LRP1B: variants seen among roughly 807,000 people sequenced by gnomAD.
The protein encoded by LRP1B is low-density lipoprotein receptor-related protein 1B.
Under a neutral mutation model 556.6 loss-of-function variants are expected in LRP1B, and 217 were observed. That is an observed-to-expected ratio of 0.39 (90% CI 0.35 to 0.44). The LOEUF is 0.44. Among genes scored for constraint, LRP1B ranks in the 20% least tolerant of loss-of-function variants. The probability of loss-of-function intolerance (pLI) is 1.00; values close to 1 mark genes in which losing one functional copy is unlikely to be tolerated. For missense variants in LRP1B, 5,053 were observed against 5,620.8 expected (o/e 0.90, Z 3.23); for synonymous variants, 2,047 against 1,865.8 (o/e 1.10, Z -2.50).
In LRP1B at chr2:141,011,071, CAGAG is replaced by C. The variant is rs143409764; in HGVS notation, c.2380+2481_2380+2484del. Reference sequence around the variant, plus strand: ...TAACATCATATAATTTGTATTCTCTCAGAGAGAGAGAGAGAGAGAGAGAGAGACT... The same window carrying C: ...TAACATCATATAATTTGTATTCTCTCAGAGAGAGAGAGAGAGAGAGAGACT... On this transcript the variant is annotated intron_variant, in intron 14 of 90. Coordinates refer to ENST00000389484, the MANE Select transcript of LRP1B (RefSeq NM_018557.3). Among the ~76,000 whole-genome samples, 316 of 142,776 alleles carry C rather than the reference CAGAG, an allele frequency of 2.2e-3. 3 individuals are homozygous for C. The highest frequency in any genetic ancestry group is 4.8e-3 in the African/African-American group (186 of 38,996). 93.7% of individuals were successfully genotyped at this position (142,776 alleles called of 152,430 possible).
chr2:142,090,936 T>C (rs1361554713), intron 1 of LRP1B, among the ~76,000 whole-genome samples: 1 of 152,156 alleles, frequency 6.6e-6, no homozygotes, highest in East Asian at 1.9e-4. Context: ...TAATTTGTTC[T>C]ACTGCAACTG....
chr2:140,941,242 A>G (rs1379253294), intron 20 of LRP1B, among the ~76,000 whole-genome samples: 2 of 152,140 alleles, frequency 1.3e-5, no homozygotes, highest in African/African-American at 2.4e-5. Context: ...TCCTTTTTGA[A>G]GAAAATGGTA....
intron 35 of LRP1B, among the ~76,000 whole-genome samples, chr2:140,757,813 G>A (rs1027464371): frequency 5.9e-5 from 9 of 152,152 alleles, no homozygotes; most frequent in Non-Finnish European, 8.8e-5. Flanking sequence ...CCTGGGAGGC[G>A]GAGGTTGCAG....
At chr2:141,852,606 AG>A (rs1223785863) in intron 1 of LRP1B, among the ~76,000 whole-genome samples, 1 of 151,788 alleles carries the variant, frequency 6.6e-6, no homozygotes, top group Non-Finnish European at 1.5e-5. Context: ...AGAGACCAAT[AG>A]GTCAATAGAA....
At chr2:141,204,694 C>T (rs893681069) in intron 6 of LRP1B, among the ~76,000 whole-genome samples, 1 of 152,100 alleles carries the variant, frequency 6.6e-6, no homozygotes, top group Non-Finnish European at 1.5e-5. Flanking sequence ...AGAGATGACA[C>T]TTTGGGAGGC....
At chr2:141,877,557 T>C (rs1274013584) in intron 1 of LRP1B, among the ~76,000 whole-genome samples, 2 of 152,008 alleles carry the variant, frequency 1.3e-5, no homozygotes, top group Non-Finnish European at 2.9e-5. Context: ...AGGAAGGTGA[T>C]ATTGTCACTG....
chr2:141,762,223 A>T (rs1694580803), intron 2 of LRP1B, among the ~76,000 whole-genome samples: 1 of 152,042 alleles, frequency 6.6e-6, no homozygotes, highest in African/African-American at 2.4e-5. Flanking sequence ...AATTCCAATA[A>T]ATTGGCCACT....
chr2:141,056,644 T>C (rs1699185753), intron 9 of LRP1B, among the ~76,000 whole-genome samples: 1 of 151,878 alleles, frequency 6.6e-6, no homozygotes, highest in African/African-American at 2.4e-5. Context: ...CCTATTCTTT[T>C]CAGCTTATTG....
chr2:141,692,613 A>G (rs1191056148), intron 2 of LRP1B, among the ~76,000 whole-genome samples: 2 of 151,828 alleles, frequency 1.3e-5, no homozygotes, highest in East Asian at 3.9e-4. Context: ...AGTACTCAGG[A>G]CCCATTAGAG....
chr2:140,490,695 A>G (rs902156392), intron 57 of LRP1B, among the ~76,000 whole-genome samples: 2 of 152,136 alleles, frequency 1.3e-5, no homozygotes, highest in Admixed American at 1.3e-4. Context: ...ACTGTGATGA[A>G]ACTGTGAGTA....
At chr2:141,937,105 A>G (rs188241414) in intron 1 of LRP1B, among the ~76,000 whole-genome samples, 1 of 152,198 alleles carries the variant, frequency 6.6e-6, no homozygotes, top group East Asian at 1.9e-4. Context: ...AAAATATAAC[A>G]TGTGCCAGGC....
At chr2:141,229,099 T>C in intron 6 of LRP1B, 84 bp downstream of exon 6, 1 of 1,344,440 alleles carries the variant, frequency 7.4e-7, no homozygotes, top group Non-Finnish European at 1.1e-6. Context: ...CCATGAGCTA[T>C]GCTAGAAATT....
In LRP1B at chr2:141,619,272, T is replaced by A. The variant is rs540849707; in HGVS notation, c.206-138739A>T. On this transcript the variant is annotated intron_variant, in intron 2 of 90. Transcript: ENST00000389484. Reference sequence around the variant, plus strand: ...ACCTCTATTACCGTACTTAGCACTTTCATTCATTTTCATGTTTTACATAGT... The same window carrying A: ...ACCTCTATTACCGTACTTAGCACTTACATTCATTTTCATGTTTTACATAGT... Among the ~76,000 whole-genome samples, 7 of 152,378 alleles carry A rather than the reference T, an allele frequency of 4.6e-5. No individual in the cohort carries two copies. The South Asian group carries it at 1.2e-3, about 27-fold the overall frequency.
intron 1 of LRP1B, among the ~76,000 whole-genome samples, chr2:141,870,767 G>A (rs77452025): frequency 0.03 from 4,529 of 151,832 alleles, 191 homozygotes; most frequent in African/African-American, 0.091. Context: ...AAAAGTCATC[G>A]TGGTGAAAAA....
chr2:141,018,671 A>G (rs957026355), intron 12 of LRP1B, among the ~76,000 whole-genome samples: 1 of 152,142 alleles, frequency 6.6e-6, no homozygotes, highest in African/African-American at 2.4e-5. Context: ...GAGAAAGAAG[A>G]TGCTGTTTTA....
chr2:140,478,397 C>T (rs1314501811), intron 59 of LRP1B, among the ~76,000 whole-genome samples: 2 of 152,056 alleles, frequency 1.3e-5, no homozygotes, highest in Non-Finnish European at 2.9e-5. Flanking sequence ...GATCCGCCTG[C>T]CTCAGCCTTC....
At chr2:141,774,962 T>C (rs16847128) in intron 2 of LRP1B, among the ~76,000 whole-genome samples, 32,098 of 152,074 alleles carry the variant, frequency 0.21, 3,703 homozygotes, top group African/African-American at 0.32. Context: ...ATTCTTTATC[T>C]CTCAAAAATA....
At chr2:141,180,294 C>A (rs1386193456) in intron 7 of LRP1B, among the ~76,000 whole-genome samples, 1 of 151,218 alleles carries the variant, frequency 6.6e-6, no homozygotes, top group Admixed American at 6.6e-5. Context: ...CATGTACAGT[C>A]CTTTCAAATA....
At chr2:140,300,254 A>G (rs1014906574) in intron 83 of LRP1B, among the ~76,000 whole-genome samples, 6 of 152,106 alleles carry the variant, frequency 3.9e-5, no homozygotes, top group Admixed American at 6.6e-5. Flanking sequence ...TATTCAGGGG[A>G]ATATTACCTA....
Sources: gnomAD v4.1 joint callset for allele counts (sites outside exome capture counted in the v4.1 genomes callset) on GRCh38, gnomAD v4.1.1 for gene constraint, MANE v1.5 for transcripts, NCBI Gene and HGNC (gene_info 2026-07-23, HGNC 2026-07-21) for gene names.